CXCL13: variants seen among roughly 807,000 people sequenced by gnomAD.
The protein encoded by CXCL13 is C-X-C motif chemokine 13.
In CXCL13, 7 loss-of-function variants were observed where a neutral mutation model predicts 12.2. The ratio of observed to expected loss-of-function variants is 0.57; its 90% CI spans 0.33 to 1.07. CXCL13 has a LOEUF of 1.07. Among genes scored for constraint, CXCL13 ranks in the 50% least tolerant of loss-of-function variants. The pLI is 0.04. For missense variants in CXCL13, 113 were observed against 127.4 expected, an observed-to-expected ratio of 0.89 and a Z score of 0.55; for synonymous variants, 47 against 42.4, an observed-to-expected ratio of 1.11 and a Z score of -0.42.
At chr4:77,603,464 T>C (rs138402144), upstream of CXCL13, among the ~76,000 whole-genome samples, 166 of 152,260 alleles carry the variant, frequency 1.1e-3, 2 homozygotes, top group African/African-American at 3.6e-3. Context: ...TGCATTTAAG[T>C]GTATGCGTGT....
chr4:77,549,171 C>T (rs563986858), intron 1 of CXCL13, among the ~76,000 whole-genome samples: 19 of 152,164 alleles, frequency 1.2e-4, no homozygotes, highest in Admixed American at 2.6e-4. Flanking sequence ...TCTCGTGCCA[C>T]GGTTTTCAGC....
chr4:77,545,748 C>T (rs1485088038), intron 1 of CXCL13, among the ~76,000 whole-genome samples: 1 of 152,098 alleles, frequency 6.6e-6, no homozygotes, highest in African/African-American at 2.4e-5. Context: ...TTTCTTTCTC[C>T]TGCCTGATTG....
chr4:77,587,826 T>C (rs1373849076), intron 1 of CXCL13, among the ~76,000 whole-genome samples: 1 of 152,170 alleles, frequency 6.6e-6, no homozygotes. Context: ...AACTGTCTGG[T>C]ACGTTACCCT....
intron 1 of CXCL13, among the ~76,000 whole-genome samples, chr4:77,577,517 T>A (rs1213789854): frequency 2.0e-5 from 3 of 152,176 alleles, no homozygotes; most frequent in Non-Finnish European, 4.4e-5. Context: ...AAGCCAAGCT[T>A]CCCATTTCAT....
At chr4:77,519,754 A>T (rs1034875176) in intron 1 of CXCL13, among the ~76,000 whole-genome samples, 1 of 152,078 alleles carries the variant, frequency 6.6e-6, no homozygotes, top group Admixed American at 6.6e-5. Context: ...TTTTGTTGTC[A>T]TTGCTTTTGG....
intron 1 of CXCL13, among the ~76,000 whole-genome samples, chr4:77,581,830 G>A (rs1460853654): frequency 6.6e-6 from 1 of 152,106 alleles, no homozygotes. Flanking sequence ...GCTTTCTGAA[G>A]TCAGCTGTCT....
intron 1 of CXCL13, among the ~76,000 whole-genome samples, chr4:77,586,589 T>C (rs1261197409): frequency 6.6e-6 from 1 of 152,152 alleles, no homozygotes; most frequent in Non-Finnish European, 1.5e-5. Flanking sequence ...ACATGGGTAT[T>C]ACCTCCATAA....
intron 1 of CXCL13, among the ~76,000 whole-genome samples, chr4:77,583,008 C>T (rs1283717669): frequency 6.6e-6 from 1 of 152,154 alleles, no homozygotes; most frequent in Non-Finnish European, 1.5e-5. Context: ...AATAGTCATG[C>T]TGTTACTGGG....
At chr4:77,553,329 C>G (rs150768003) in intron 1 of CXCL13, among the ~76,000 whole-genome samples, 74 of 152,338 alleles carry the variant, frequency 4.9e-4, no homozygotes, top group Admixed American at 8.5e-4. Flanking sequence ...TGGCCCAGGA[C>G]TGAAGTTCCT....
intron 1 of CXCL13, among the ~76,000 whole-genome samples, chr4:77,599,245 G>A (rs550684976): frequency 3.7e-4 from 57 of 152,282 alleles, no homozygotes; most frequent in African/African-American, 1.3e-3. Context: ...CAAGACTCCC[G>A]TGTATACCAG....
At chr4:77,520,933 C>G (rs928999025) in intron 1 of CXCL13, among the ~76,000 whole-genome samples, 1 of 152,024 alleles carries the variant, frequency 6.6e-6, no homozygotes, top group Non-Finnish European at 1.5e-5. Context: ...AAAGTGCTGT[C>G]GAATTTTCTT....
chr4:77,528,464 GC>G (rs1724826820), intron 1 of CXCL13, among the ~76,000 whole-genome samples: 1 of 152,126 alleles, frequency 6.6e-6, no homozygotes, highest in Admixed American at 6.6e-5. Flanking sequence ...TTTAATGATT[GC>G]CATTCTAAGT....
chr4:77,513,776 C>T (rs1379147774), intron 1 of CXCL13, among the ~76,000 whole-genome samples: 1 of 151,290 alleles, frequency 6.6e-6, no homozygotes. Flanking sequence ...TTAACTATTT[C>T]CATTCTAACT....
intron 1 of CXCL13, among the ~76,000 whole-genome samples, chr4:77,585,936 A>T (rs956683516): frequency 9.2e-5 from 14 of 152,182 alleles, no homozygotes; most frequent in Non-Finnish European, 1.9e-4. Context: ...CACTTCCCAG[A>T]GGTTGAGCCC....
At chr4:77,565,872 G>A (rs2109815545) in intron 1 of CXCL13, among the ~76,000 whole-genome samples, 1 of 152,298 alleles carries the variant, frequency 6.6e-6, no homozygotes, top group Middle Eastern at 3.4e-3. Context: ...ATTTCCCTAG[G>A]TGGATGTGTA....
chr4:77,564,154 T>A (rs968520920), intron 1 of CXCL13, among the ~76,000 whole-genome samples: 1 of 152,174 alleles, frequency 6.6e-6, no homozygotes, highest in Admixed American at 6.5e-5. Context: ...ATTTTCATGA[T>A]ACAAGCAAGA....
chr4:77,527,613 C>T (rs1032514541), intron 1 of CXCL13, among the ~76,000 whole-genome samples: 28 of 151,156 alleles, frequency 1.9e-4, no homozygotes, highest in African/African-American at 6.8e-4. Context: ...GCCTGGGTGA[C>T]AGAGTGAGAC....
chr4:77,604,635 A>G (rs62304093), upstream of CXCL13, among the ~76,000 whole-genome samples: 41,542 of 151,836 alleles, frequency 0.27, 8,081 homozygotes, highest in African/African-American at 0.55. Flanking sequence ...CAATAGAATA[A>G]CCTGCCTCAA....
chr4:77,567,322 G>C (rs1041805854), intron 1 of CXCL13, among the ~76,000 whole-genome samples: 9 of 152,178 alleles, frequency 5.9e-5, no homozygotes, highest in African/African-American at 1.9e-4. Context: ...AAGTTTTACT[G>C]CTCACACAAT....
Sources: allele counts gnomAD v4.1 joint callset (sites outside exome capture counted in the v4.1 genomes callset), GRCh38; gene constraint gnomAD v4.1.1; transcripts MANE v1.5; gene names NCBI Gene and HGNC (gene_info 2026-07-23, HGNC 2026-07-21).